Variants in CDH13 observed in about 807,000 individuals in gnomAD.
CDH13 encodes cadherin-13.
CDH13 carries 24 observed loss-of-function variants against 63.8 expected under a neutral mutation model. That is an observed-to-expected ratio of 0.38 (90% CI 0.27 to 0.53). The LOEUF is 0.53. CDH13 is among the 20% of genes least tolerant of loss of function. The pLI, the probability that CDH13 is intolerant of heterozygous loss-of-function variation, is 0.85. For missense variants in CDH13, 1,049 were observed against 903.1 expected, an observed-to-expected ratio of 1.16 and a Z score of -2.07; for synonymous variants, 503 against 355.3, an observed-to-expected ratio of 1.42 and a Z score of -4.67.
intron 7 of CDH13, among the ~76,000 whole-genome samples, chr16:83,551,508 T>C (rs906199700): frequency 5.3e-5 from 8 of 152,230 alleles, no homozygotes; most frequent in African/African-American, 9.6e-5. Flanking sequence ...GTTAACTTCA[T>C]GTCAGTGCTC....
At chr16:83,648,300 A>C (rs982356075) in intron 8 of CDH13, among the ~76,000 whole-genome samples, 1 of 152,206 alleles carries the variant, frequency 6.6e-6, no homozygotes, top group Non-Finnish European at 1.5e-5. Context: ...AACAACTCCC[A>C]GGAGAACTTT....
intron 1 of CDH13, among the ~76,000 whole-genome samples, chr16:82,675,153 T>C (rs1163754755): frequency 6.6e-6 from 1 of 152,184 alleles, no homozygotes; most frequent in African/African-American, 2.4e-5. Context: ...GGGTGCCGTA[T>C]TGAAAAAAAT....
chr16:83,795,002 C>T (rs1257402865), intron 13 of CDH13, 21 bp from the exon 14 acceptor site: 1 of 1,591,586 alleles, frequency 6.3e-7, no homozygotes, highest in East Asian at 2.3e-5. Context: ...CCCGACTTAA[C>T]TCTGAACCCT....
intron 8 of CDH13, among the ~76,000 whole-genome samples, chr16:83,657,236 T>A (rs758302162): frequency 6.6e-6 from 1 of 152,150 alleles, no homozygotes; most frequent in Non-Finnish European, 1.5e-5. Context: ...ACAGGATCAT[T>A]TATCTGTAGT....
At chr16:83,347,933 T>A (rs888433405) in intron 6 of CDH13, among the ~76,000 whole-genome samples, 7 of 152,162 alleles carry the variant, frequency 4.6e-5, no homozygotes, top group Non-Finnish European at 1.0e-4. Context: ...GGCTCAAGCC[T>A]GTAATCCCAG....
At chr16:82,773,271 C>G (rs560639890) in intron 1 of CDH13, 1 of 152,346 alleles carries the variant, frequency 6.6e-6, no homozygotes, top group African/African-American at 2.4e-5. Context: ...TTTCCTTTGC[C>G]ATAAGAGCCA....
intron 3 of CDH13, among the ~76,000 whole-genome samples, chr16:83,074,238 G>A (rs181748786): frequency 6.6e-6 from 1 of 152,248 alleles, no homozygotes; most frequent in African/African-American, 2.4e-5. Flanking sequence ...GAGCATGTGC[G>A]ATATTTCTCT....
At chr16:83,200,921 A>ATGTGTGTGTGTGTGTGTGTG (rs374017580) in intron 4 of CDH13, among the ~76,000 whole-genome samples, 2 of 129,672 alleles carry the variant, frequency 1.5e-5, no homozygotes, top group African/African-American at 5.7e-5. Context: ...AGTCTTAAAA[A>ATGTGTGTGTGTGTGTGTGTG]TGTGTGTGTG....
At chr16:82,699,189 G>T (rs1298881264) in intron 1 of CDH13, among the ~76,000 whole-genome samples, 1 of 152,194 alleles carries the variant, frequency 6.6e-6, no homozygotes, top group Non-Finnish European at 1.5e-5. Flanking sequence ...TTCATATGGG[G>T]AGAGATGGGA....
At chr16:82,999,298 G>T (rs2036305119) in intron 2 of CDH13, among the ~76,000 whole-genome samples, 1 of 151,866 alleles carries the variant, frequency 6.6e-6, no homozygotes, top group South Asian at 2.1e-4. Context: ...CTCAACTGTT[G>T]GTGCACATAA....
rs1282757976 is a variant in CDH13 at position 83,425,640 on chromosome 16, T to A, written c.782-60837T>A. On this transcript the variant is annotated intron_variant, in intron 6 of 13. Coordinates refer to ENST00000567109, the MANE Select transcript of CDH13 (RefSeq NM_001257.5). ...TTTCACTTTATCCTAAACTTCTTTA[T>A]GTCTTTAGTCATCTCCTAGAACACA... 2.0e-5 allele frequency among the ~76,000 whole-genome samples: 3 copies of A among 152,374 alleles called. No homozygotes were observed. In the South Asian group the frequency reaches 6.2e-4, roughly 32 times the overall value.
chr16:82,829,210 A>G (rs1255593826), intron 1 of CDH13: 2 of 152,262 alleles, frequency 1.3e-5, no homozygotes, highest in Non-Finnish European at 2.9e-5. Context: ...TCGAGGAGGA[A>G]CACATCTTTT....
intron 1 of CDH13, among the ~76,000 whole-genome samples, chr16:82,816,530 T>C (rs773291240): frequency 1.3e-5 from 2 of 151,986 alleles, no homozygotes; most frequent in Non-Finnish European, 2.9e-5. Flanking sequence ...CACTGAGGCA[T>C]CAACATTTGA....
intron 3 of CDH13, among the ~76,000 whole-genome samples, chr16:83,113,777 C>G (rs990810733): frequency 6.6e-6 from 1 of 152,162 alleles, no homozygotes; most frequent in Non-Finnish European, 1.5e-5. Context: ...GTGAGAAGCC[C>G]TCAGACAAGC....
At chr16:83,661,605 C>T (rs1038853114) in intron 8 of CDH13, among the ~76,000 whole-genome samples, 3 of 152,194 alleles carry the variant, frequency 2.0e-5, no homozygotes, top group African/African-American at 7.2e-5. Context: ...GGGCAAAGAC[C>T]TGCTTTGTTA....
intron 6 of CDH13, among the ~76,000 whole-genome samples, chr16:83,347,575 A>C (rs975957241): frequency 2.6e-5 from 4 of 152,190 alleles, no homozygotes; most frequent in Non-Finnish European, 5.9e-5. Flanking sequence ...TATATGTACA[A>C]CATCATTTCA....
chr16:82,635,396 A>T (rs1379073122), intron 1 of CDH13, among the ~76,000 whole-genome samples: 1 of 152,184 alleles, frequency 6.6e-6, no homozygotes. Flanking sequence ...AAGAAGGCAC[A>T]GTCTGGGTGA....
At chr16:83,507,865 C>T (rs1480498657) in intron 7 of CDH13, among the ~76,000 whole-genome samples, 1 of 151,014 alleles carries the variant, frequency 6.6e-6, no homozygotes, top group Non-Finnish European at 1.5e-5. Flanking sequence ...AAACCCGTCT[C>T]TACTAAAGAT....
intron 1 of CDH13, among the ~76,000 whole-genome samples, chr16:82,683,985 C>T (rs769948955): frequency 5.3e-5 from 8 of 152,224 alleles, no homozygotes; most frequent in Non-Finnish European, 8.8e-5. Flanking sequence ...ATTAAATCTG[C>T]TCTAAGCAGT....
Sources: allele counts gnomAD v4.1 joint callset (sites outside exome capture counted in the v4.1 genomes callset), GRCh38; gene constraint gnomAD v4.1.1; transcripts MANE v1.5; gene names NCBI Gene and HGNC (gene_info 2026-07-23, HGNC 2026-07-21).